The following ZNF710 variants were observed in gnomAD, a reference collection of about 807,000 sequenced individuals.
ZNF710 encodes zinc finger protein 710.
Under a neutral mutation model 50.6 loss-of-function variants are expected in ZNF710, and 13 were observed. That is an observed-to-expected ratio of 0.26 (90% confidence interval 0.17 to 0.41). ZNF710 has a LOEUF of 0.41. ZNF710 is among the 10% of genes least tolerant of loss of function. The pLI is 1.00. For synonymous variants in ZNF710, 383 were observed against 397.0 expected, an observed-to-expected ratio of 0.96 and a Z score of 0.42; for missense variants, 721 against 936.6, an observed-to-expected ratio of 0.77 and a Z score of 3.01.
chr15:90,064,036 C>T (rs1900094416), intron 1 of ZNF710, among the ~76,000 whole-genome samples: 1 of 152,196 alleles, frequency 6.6e-6, no homozygotes, highest in Non-Finnish European at 1.5e-5. Flanking sequence ...ACTGGCTTGG[C>T]CATTGATGCT....
At chr15:90,079,595 G>A (rs1337607046) in intron 4 of ZNF710, 65 bp from the exon 5 acceptor site, 1 of 1,583,724 alleles carries the variant, frequency 6.3e-7, no homozygotes, top group African/African-American at 1.4e-5. Context: ...TCAGCTTCCT[G>A]CGTGGGGGTG....
intron 1 of ZNF710, among the ~76,000 whole-genome samples, chr15:90,019,506 C>T (rs1014790961): frequency 4.6e-5 from 7 of 152,304 alleles, no homozygotes; most frequent in African/African-American, 1.4e-4. Context: ...TGCCCCCAGA[C>T]ACATTGTATC....
In ZNF710 at chr15:90,081,005, C is replaced by T. The variant is rs1391663260; in HGVS notation, c.*1176C>T. On this transcript the variant is annotated 3_prime_UTR_variant, in exon 5 of 5. Transcript: ENST00000268154. ...CCCCGAGCAGCCTGGCCGGGCAGGA[C>T]TGGGGCTCCATGGGGACTGTCACCC... 6.6e-6 allele frequency: 1 copy of T among 152,234 alleles called. No individual in the cohort carries two copies. Among genetic ancestry groups the T allele is most frequent in the African/African-American group, 2.4e-5 (1 of 41,450 alleles). The allele number at this position is 152,234 out of a possible 1,614,324, so 9.4% of individuals were successfully genotyped here.
intron 1 of ZNF710, among the ~76,000 whole-genome samples, chr15:90,042,674 CAAAG>C (rs904303366): frequency 1.6e-4 from 25 of 152,250 alleles, no homozygotes; most frequent in African/African-American, 5.8e-4. Context: ...GAAGGGAAGA[CAAAG>C]AAGGGGGACA....
intron 1 of ZNF710, among the ~76,000 whole-genome samples, chr15:90,036,061 C>T (rs1899114299): frequency 6.6e-6 from 1 of 152,164 alleles, no homozygotes; most frequent in African/African-American, 2.4e-5. Context: ...TCGCCCCATC[C>T]GGCCCCACAA....
chr15:90,046,429 A>G (rs1437620703), intron 1 of ZNF710, among the ~76,000 whole-genome samples: 1 of 152,134 alleles, frequency 6.6e-6, no homozygotes, highest in Non-Finnish European at 1.5e-5. Flanking sequence ...TGCCCCGCAG[A>G]GCCCAGGGCC....
intron 1 of ZNF710, among the ~76,000 whole-genome samples, chr15:90,029,027 A>G (rs1448091707): frequency 6.6e-6 from 1 of 152,174 alleles, no homozygotes; most frequent in Non-Finnish European, 1.5e-5. Flanking sequence ...GGTTTTATTA[A>G]TTTTATAATG....
At chr15:90,015,951 C>T (rs756427885) in intron 1 of ZNF710, among the ~76,000 whole-genome samples, 2 of 152,130 alleles carry the variant, frequency 1.3e-5, no homozygotes, top group Non-Finnish European at 2.9e-5. Context: ...AGAATGGACA[C>T]GCCCTATGTA....
chr15:90,036,358 A>G (rs1899126416), intron 1 of ZNF710, among the ~76,000 whole-genome samples: 1 of 151,588 alleles, frequency 6.6e-6, no homozygotes, highest in Non-Finnish European at 1.5e-5. Flanking sequence ...TTCGATTTTA[A>G]TGTTCCTTTG....
intron 1 of ZNF710, among the ~76,000 whole-genome samples, chr15:90,036,726 C>G (rs1044284220): frequency 6.6e-6 from 1 of 152,080 alleles, no homozygotes; most frequent in Non-Finnish European, 1.5e-5. Flanking sequence ...CAGTCCTGGC[C>G]CCCCTCATCC....
At chr15:90,074,471 T>C (rs549431748) in intron 4 of ZNF710, 181 bp downstream of exon 4, 3 of 1,530,666 alleles carry the variant, frequency 2.0e-6, no homozygotes, top group Non-Finnish European at 2.6e-6. Flanking sequence ...GGGATATTTA[T>C]GTCTTCTTCA....
chr15:90,044,065 A>AAAC (rs749016789), intron 1 of ZNF710, among the ~76,000 whole-genome samples: 2 of 152,202 alleles, frequency 1.3e-5, no homozygotes, highest in Non-Finnish European at 2.9e-5. Flanking sequence ...TAAATGTGTA[A>AAAC]AACAACAACA....
Position 90,080,848 on chromosome 15 carries a change from G to A in ZNF710, c.*1019G>A, listed in dbSNP as rs943892733. On this transcript the variant is annotated 3_prime_UTR_variant, in exon 5 of 5. Coordinates refer to ENST00000268154, the MANE Select transcript of ZNF710 (RefSeq NM_198526.4). Reference sequence around the variant, plus strand: ...ATCAAGGGTTTTTTTGAGCAAAGGGGGTCTTCTGAAGGTAACTTATTATTT... The same window carrying A: ...ATCAAGGGTTTTTTTGAGCAAAGGGAGTCTTCTGAAGGTAACTTATTATTT... The A allele has an allele frequency of 2.0e-5, 3 of 152,198 alleles. No individual in the cohort carries two copies. The highest frequency in any genetic ancestry group is 7.2e-5 in the African/African-American group (3 of 41,442). 9.4% of individuals were successfully genotyped at this position (152,198 alleles called of 1,614,324 possible).
In ZNF710 at chr15:90,079,737, G is replaced by C. The variant is rs766678203; in HGVS notation, c.1903G>C (p.Ala635Pro). The change falls in exon 5 of 5, where the codon GCC becomes CCC. Residue 635 changes from alanine (A) to proline (P), a missense_variant. Physicochemically the swap from Ala to Pro is conservative, Grantham distance 27 (BLOSUM62 -1). Coordinates refer to ENST00000268154, the MANE Select transcript of ZNF710 (RefSeq NM_198526.4). ...QQEMEDFEEN[A>P]YSYASVDSSA... ...GGAGATGGAGGACTTCGAGGAGAAC[G>C]CCTACAGCTATGCGAGCGTGGACAG... The C allele has an allele frequency of 3.7e-6, 6 of 1,613,730 alleles. No individual in the cohort carries two copies. Among genetic ancestry groups the C allele is most frequent in the Admixed American group, 3.3e-5 (2 of 59,938 alleles).
At chr15:90,035,973 G>C (rs909356729) in intron 1 of ZNF710, among the ~76,000 whole-genome samples, 3 of 152,150 alleles carry the variant, frequency 2.0e-5, no homozygotes, top group African/African-American at 7.2e-5. Context: ...TCCCAGCCTT[G>C]TGAAGTCCTC....
chr15:90,024,453 C>T (rs1898713197), intron 1 of ZNF710, among the ~76,000 whole-genome samples: 1 of 152,140 alleles, frequency 6.6e-6, no homozygotes, highest in South Asian at 2.1e-4. Context: ...CCCATCTGGT[C>T]CAGAGGATTC....
At chr15:90,030,652 A>G (rs1381605758) in intron 1 of ZNF710, among the ~76,000 whole-genome samples, 1 of 152,122 alleles carries the variant, frequency 6.6e-6, no homozygotes, top group Non-Finnish European at 1.5e-5. Flanking sequence ...CACCTTCCCA[A>G]CAGGGCAGTC....
At chr15:90,038,743 GACAT>G (rs1899209474) in intron 1 of ZNF710, among the ~76,000 whole-genome samples, 1 of 151,926 alleles carries the variant, frequency 6.6e-6, no homozygotes, top group Non-Finnish European at 1.5e-5. Context: ...GTGTGTGTGA[GACAT>G]TGGCTTTGAA....
chr15:90,074,161 A>G lies in ZNF710; in HGVS notation c.1696A>G (p.Met566Val). The G allele has an allele frequency of 6.2e-7, 1 of 1,613,850 alleles. No homozygotes were observed. Among genetic ancestry groups the G allele is most frequent in the Non-Finnish European group, 8.5e-7 (1 of 1,179,906 alleles). The change falls in exon 4 of 5, where the codon ATG becomes GTG. Residue 566 changes from methionine (M) to valine (V), a missense_variant. Physicochemically the swap from Met to Val is conservative, Grantham distance 21 (BLOSUM62 1). Transcript: ENST00000268154. ...FNRMYNLLGH[M>V]HLHAGSKPFK... ...CCGCATGTACAACCTGCTGGGCCAC[A>G]TGCACCTGCACGCCGGCAGCAAGCC...
Sources: gnomAD v4.1 joint callset for allele counts (sites outside exome capture counted in the v4.1 genomes callset) on GRCh38, gnomAD v4.1.1 for gene constraint, MANE v1.5 for transcripts, NCBI Gene and HGNC (gene_info 2026-07-23, HGNC 2026-07-21) for gene names.